The following CCNY variants were observed in gnomAD, a reference collection of about 807,000 sequenced individuals.
The protein encoded by CCNY is cyclin Y, also known as cyclin-Y.
Under a neutral mutation model 42.8 loss-of-function variants are expected in CCNY, and 19 were observed. The ratio of observed to expected loss-of-function variants is 0.44; its 90% confidence interval spans 0.31 to 0.65. The LOEUF is 0.65. Among genes scored for constraint, CCNY ranks in the 30% least tolerant of loss-of-function variants. CCNY has a pLI of 0.07. For synonymous variants in CCNY, 165 were observed against 162.7 expected (o/e 1.01, Z -0.11); for missense variants, 370 against 437.3 (o/e 0.85, Z 1.37).
At chr10:35,555,319 A>G (rs1410651510) in intron 8 of CCNY, among the ~76,000 whole-genome samples, 1 of 152,234 alleles carries the variant, frequency 6.6e-6, no homozygotes, top group Non-Finnish European at 1.5e-5. Flanking sequence ...TGTTTTAAAC[A>G]TTCATTTTTA....
At chr10:35,424,526 G>A (rs1024930969) in intron 1 of CCNY, among the ~76,000 whole-genome samples, 8 of 152,184 alleles carry the variant, frequency 5.3e-5, no homozygotes, top group South Asian at 2.1e-4. Flanking sequence ...GCGCCCAGCC[G>A]TTATTTTCTA....
intron 8 of CCNY, among the ~76,000 whole-genome samples, chr10:35,555,480 C>T (rs1234861050): frequency 2.0e-5 from 3 of 152,176 alleles, no homozygotes; most frequent in African/African-American, 7.2e-5. Context: ...ATAACAACAA[C>T]AGCAGCAGCA....
At chr10:35,427,278 A>T (rs1205387766) in intron 1 of CCNY, among the ~76,000 whole-genome samples, 4 of 152,212 alleles carry the variant, frequency 2.6e-5, no homozygotes, top group Non-Finnish European at 4.4e-5. Flanking sequence ...GGCAGGTGTT[A>T]GAGATAATGC....
At chr10:35,564,527 CG>C (rs1841529468) in intron 8 of CCNY, among the ~76,000 whole-genome samples, 1 of 152,180 alleles carries the variant, frequency 6.6e-6, no homozygotes, top group Admixed American at 6.5e-5. Flanking sequence ...ATAGGGGTCT[CG>C]GGACATCACT....
At chr10:35,417,743 C>G (rs887307478) in intron 1 of CCNY, among the ~76,000 whole-genome samples, 2 of 152,154 alleles carry the variant, frequency 1.3e-5, no homozygotes, top group African/African-American at 2.4e-5. Context: ...TAATAATGAA[C>G]AAGCCATCTA....
intron 3 of CCNY, among the ~76,000 whole-genome samples, chr10:35,328,735 T>C (rs1357335085): frequency 1.3e-5 from 2 of 152,206 alleles, no homozygotes; most frequent in Admixed American, 6.5e-5. Context: ...CCAGGTTTAG[T>C]TGAATCCAGC....
At chr10:35,305,963 T>G (rs1012645134) in intron 3 of CCNY, among the ~76,000 whole-genome samples, 4 of 152,188 alleles carry the variant, frequency 2.6e-5, no homozygotes, top group Non-Finnish European at 5.9e-5. Flanking sequence ...CTACTCCTAT[T>G]TTCCAAAGTT....
intron 2 of CCNY, among the ~76,000 whole-genome samples, chr10:35,487,551 G>A (rs899004093): frequency 6.6e-6 from 1 of 152,080 alleles, no homozygotes; most frequent in Admixed American, 6.5e-5. Context: ...GCACTTGCAT[G>A]ATGTCATCAG....
At chr10:35,548,588 A>G (rs959164063) in intron 7 of CCNY, among the ~76,000 whole-genome samples, 10 of 151,972 alleles carry the variant, frequency 6.6e-5, no homozygotes, top group Non-Finnish European at 1.0e-4. Flanking sequence ...GAGCCACCGC[A>G]CCCAGCCAAG....
chr10:35,368,509 AT>A (rs984323130), intron 1 of CCNY, among the ~76,000 whole-genome samples: 5 of 152,140 alleles, frequency 3.3e-5, no homozygotes, highest in African/African-American at 1.2e-4. Flanking sequence ...GGCGGTTGTC[AT>A]TTTATACTCT....
At position 35,523,787 on chromosome 10, in the gene CCNY, A is replaced by G. The variant is rs527241112; in HGVS notation, c.366-2177A>G. Among the ~76,000 whole-genome samples the G allele has an allele frequency of 1.1e-3, 164 of 152,280 alleles. 1 individual carries two copies. In the Middle Eastern group the frequency reaches 0.014, roughly 13 times the overall value. On this transcript the variant is annotated intron_variant, in intron 4 of 9. Coordinates refer to ENST00000374704, the MANE Select transcript of CCNY (RefSeq NM_145012.6). Reference sequence around the variant, plus strand: ...TTTATTTGATCATAATTACAACTCCATGATGTGGGTTGTATTGTTCTAATT... The same window carrying G: ...TTTATTTGATCATAATTACAACTCCGTGATGTGGGTTGTATTGTTCTAATT...
chr10:35,368,664 C>T lies in CCNY; in HGVS notation c.154+31457C>T, dbSNP rs112922505. ...GTGTCAGCGCCTGGGTGACTCCCTC[C>T]GGCATTGACTGCTCTATAGCCCGGC... On this transcript the variant is annotated intron_variant, in intron 1 of 9. Transcript: ENST00000374704. 3.4e-3 allele frequency among the ~76,000 whole-genome samples: 511 copies of T among 152,314 alleles called. 4 individuals carry two copies. The highest frequency in any genetic ancestry group is 0.012 in the African/African-American group (480 of 41,570).
chr10:35,335,842 C>A, upstream of CCNY: 1 of 151,656 alleles, frequency 6.6e-6, no homozygotes, highest in Non-Finnish European at 1.4e-5. Flanking sequence ...GCCTGTAGTC[C>A]TCGCTACTTT....
At chr10:35,449,262 T>G in intron 1 of CCNY, among the ~76,000 whole-genome samples, 1 of 56,246 alleles carries the variant, frequency 1.8e-5, no homozygotes, top group Non-Finnish European at 3.3e-5. Context: ...GAGAAGGAGC[T>G]GAGGAGGGGC....
intron 7 of CCNY, among the ~76,000 whole-genome samples, chr10:35,533,885 G>A (rs1281626461): frequency 2.0e-5 from 3 of 152,204 alleles, no homozygotes; most frequent in African/African-American, 4.8e-5. Context: ...AACATGTAGT[G>A]AGCACAGTAA....
At chr10:35,437,071 A>G (rs1025717683) in intron 1 of CCNY, among the ~76,000 whole-genome samples, 1 of 152,230 alleles carries the variant, frequency 6.6e-6, no homozygotes, top group African/African-American at 2.4e-5. Flanking sequence ...AACCATCAGA[A>G]CTTGTGAGAA....
intron 7 of CCNY, among the ~76,000 whole-genome samples, chr10:35,539,759 C>A (rs967676549): frequency 2.6e-5 from 4 of 152,138 alleles, no homozygotes; most frequent in Non-Finnish European, 5.9e-5. Flanking sequence ...TGCACTCCAG[C>A]CTGGTGACAG....
chr10:35,436,783 C>G (rs921079553), intron 1 of CCNY, among the ~76,000 whole-genome samples: 1 of 152,080 alleles, frequency 6.6e-6, no homozygotes, highest in Non-Finnish European at 1.5e-5. Context: ...TTTCCTGTTT[C>G]TTTTTTTCCT....
chr10:35,366,734 T>C (rs955494364), intron 1 of CCNY, among the ~76,000 whole-genome samples: 2 of 152,250 alleles, frequency 1.3e-5, no homozygotes, highest in Non-Finnish European at 2.9e-5. Flanking sequence ...TCTGTGATGA[T>C]GGAAATGTTA....
Sources: allele counts gnomAD v4.1 joint callset (sites outside exome capture counted in the v4.1 genomes callset), GRCh38; gene constraint gnomAD v4.1.1; transcripts MANE v1.5; gene names NCBI Gene and HGNC (gene_info 2026-07-23, HGNC 2026-07-21).